FBXO32: variants seen among roughly 807,000 people sequenced by gnomAD.
FBXO32 encodes F-box protein 32, also known as F-box only protein 32.
In FBXO32, 15 loss-of-function variants were observed where a neutral mutation model predicts 48.3. The observed-to-expected ratio is 0.31, with a 90% CI of 0.21 to 0.48. The LOEUF (loss-of-function observed/expected upper bound fraction) is 0.48, where lower values mean the gene tolerates loss of function less well. Ranked by LOEUF, FBXO32 falls within the 20% of genes least tolerant of loss-of-function variation. FBXO32 has a pLI of 0.99. For missense variants in FBXO32, 309 were observed against 432.7 expected, an observed-to-expected ratio of 0.71 and a Z score of 2.54; for synonymous variants, 154 against 165.9, an observed-to-expected ratio of 0.93 and a Z score of 0.55.
At chr8:123,537,045 C>A (rs546558958) in intron 1 of FBXO32, among the ~76,000 whole-genome samples, 57 of 152,126 alleles carry the variant, frequency 3.7e-4, no homozygotes, top group Non-Finnish European at 6.8e-4. Context: ...GAGGAAGGGC[C>A]TGGAAAGAAG....
Position 123,499,657 on chromosome 8 carries a change from A to T in FBXO32, c.*3716T>A, listed in dbSNP as rs1442263607. ...ATATTTTATAATAAACATTGTATTGAATGCTAAGAATGATACACTGTTGAA... is the reference window on the plus strand; with the variant it reads ...ATATTTTATAATAAACATTGTATTGTATGCTAAGAATGATACACTGTTGAA... On this transcript the variant is annotated 3_prime_UTR_variant, in exon 9 of 9. Coordinates refer to ENST00000517956, the MANE Select transcript of FBXO32 (RefSeq NM_058229.4). 1 of 152,214 alleles carries T rather than the reference A, an allele frequency of 6.6e-6. No homozygotes were observed. The highest frequency in any genetic ancestry group is 1.5e-5 in the Non-Finnish European group (1 of 68,042). 9.4% of individuals were successfully genotyped at this position (152,214 alleles called of 1,614,324 possible). A position where few individuals can be genotyped will look rare whatever the true frequency, so the allele number is the denominator to read the frequency against.
chr8:123,535,918 CTTTTT>C (rs1273534342), intron 1 of FBXO32, among the ~76,000 whole-genome samples: 3 of 149,222 alleles, frequency 2.0e-5, no homozygotes, highest in African/African-American at 7.4e-5. Flanking sequence ...TGATTTACAT[CTTTTT>C]CAGATATACA....
At chr8:123,532,231 A>G (rs932382637) in intron 3 of FBXO32, 94 of 1,281,500 alleles carry the variant, frequency 7.3e-5, no homozygotes, top group Non-Finnish European at 9.0e-5. Context: ...CCTTTTCGTG[A>G]CTTGTACCAT....
chr8:123,516,836 A>G (rs964564816), intron 4 of FBXO32, among the ~76,000 whole-genome samples: 3 of 152,114 alleles, frequency 2.0e-5, no homozygotes, highest in African/African-American at 4.8e-5. Context: ...GTTGGAAGTC[A>G]GGAGCTCACC....
rs533882936 is a variant in FBXO32 at position 123,538,586 on chromosome 8, T to C, written c.116+2313A>G. On this transcript the variant is annotated intron_variant, in intron 1 of 8. Coordinates refer to ENST00000517956, the MANE Select transcript of FBXO32 (RefSeq NM_058229.4). ...CAGACCACAGAAGGCCAACTGCTTTTAAGAAGTTGCAGGCTTCTCATGCTA... is the reference window on the plus strand; with the variant it reads ...CAGACCACAGAAGGCCAACTGCTTTCAAGAAGTTGCAGGCTTCTCATGCTA... Among the ~76,000 whole-genome samples, 23 of 152,274 alleles carry C rather than the reference T, an allele frequency of 1.5e-4. No individual in the cohort carries two copies. The South Asian group carries it at 4.2e-3, about 28-fold the overall frequency.
intron 4 of FBXO32, among the ~76,000 whole-genome samples, chr8:123,527,621 T>C (rs1165657822): frequency 2.0e-5 from 3 of 152,218 alleles, no homozygotes; most frequent in African/African-American, 7.2e-5. Flanking sequence ...ATCTGGCCCA[T>C]GAATTCAGTC....
intron 4 of FBXO32, among the ~76,000 whole-genome samples, chr8:123,520,382 G>C (rs912734776): frequency 6.6e-6 from 1 of 152,102 alleles, no homozygotes; most frequent in Non-Finnish European, 1.5e-5. Context: ...TGTCATTATC[G>C]TGTGGGCACT....
chr8:123,538,424 A>G (rs1330421205), intron 1 of FBXO32, among the ~76,000 whole-genome samples: 2 of 152,162 alleles, frequency 1.3e-5, no homozygotes, highest in African/African-American at 4.8e-5. Context: ...TCCCCGCTTA[A>G]GGGCCTGCCT....
intron 4 of FBXO32, among the ~76,000 whole-genome samples, chr8:123,523,598 C>T: frequency 7.6e-6 from 1 of 132,206 alleles, no homozygotes; most frequent in Non-Finnish European, 1.6e-5. Flanking sequence ...CAAAACAAAA[C>T]AAACAACAAC....
chr8:123,511,494 T>C (rs77935467), intron 6 of FBXO32, among the ~76,000 whole-genome samples: 2 of 151,584 alleles, frequency 1.3e-5, no homozygotes, highest in East Asian at 1.9e-4. Flanking sequence ...TTTTTTTTTT[T>C]CCTTGAGATG....
rs186040003 is a variant in FBXO32, at chr8:123,503,262, C to G, written c.*111G>C. ...TCTCCATGACTTATCTCTGAAGTTT[C>G]GAGCCAATGTTTAAAATGTACACTA... On this transcript the variant is annotated 3_prime_UTR_variant, in exon 9 of 9. Coordinates refer to ENST00000517956, the MANE Select transcript of FBXO32 (RefSeq NM_058229.4). 1.2e-6 allele frequency: 1 copy of G among 824,218 alleles called. No homozygotes were observed. The highest frequency in any genetic ancestry group is 1.9e-6 in the Non-Finnish European group (1 of 521,892). The allele number at this position is 824,218 out of a possible 1,614,324, so 51.1% of individuals were successfully genotyped here.
intron 2 of FBXO32, 152 bp from the exon 3 acceptor site, chr8:123,533,392 T>C (rs962224593): frequency 3.1e-6 from 2 of 654,628 alleles, no homozygotes; most frequent in African/African-American, 3.7e-5. Context: ...GCTTAATTTC[T>C]GCAGTGTAGA....
intron 7 of FBXO32, among the ~76,000 whole-genome samples, chr8:123,505,307 C>T (rs1180529557): frequency 1.3e-5 from 2 of 152,188 alleles, no homozygotes; most frequent in African/African-American, 4.8e-5. Flanking sequence ...GTTTCCTCAC[C>T]CAAAGAGCTA....
rs887437256 is a variant in FBXO32 at position 123,501,755 on chromosome 8, C to G, written c.*1618G>C. ...ACCCAAAGCTCAGCTCTTAAAGATACACTGTTCCTCAACTTGAATGTGGAC... is the reference window on the plus strand; with the variant it reads ...ACCCAAAGCTCAGCTCTTAAAGATAGACTGTTCCTCAACTTGAATGTGGAC... On this transcript the variant is annotated 3_prime_UTR_variant, in exon 9 of 9. Transcript: ENST00000517956. 3 of 152,090 alleles carry G rather than the reference C, an allele frequency of 2.0e-5. No homozygotes were observed. 9.4% of individuals were successfully genotyped at this position (152,090 alleles called of 1,614,324 possible).
chr8:123,536,844 T>G (rs1165545529), intron 1 of FBXO32, among the ~76,000 whole-genome samples: 2 of 152,234 alleles, frequency 1.3e-5, no homozygotes, highest in East Asian at 3.8e-4. Context: ...GAAAACGTTC[T>G]TTAAAGGAAT....
chr8:123,539,058 C>T (rs755155331), intron 1 of FBXO32, among the ~76,000 whole-genome samples: 3 of 152,074 alleles, frequency 2.0e-5, no homozygotes, highest in Admixed American at 6.6e-5. Context: ...CAGGCTGGAG[C>T]GCAGTGGCAC....
rs138504281 is a variant in FBXO32, at chr8:123,522,205, C to CT, written c.373-7873dup. Among the ~76,000 whole-genome samples the CT allele has an allele frequency of 9.8e-3, 1,128 of 115,256 alleles. 10 individuals carry two copies. The highest frequency in any genetic ancestry group is 0.018 in the African/African-American group (540 of 30,360). The allele number at this position is 115,256 out of a possible 152,430, so 75.6% of individuals were successfully genotyped here. A position where few individuals can be genotyped will look rare whatever the true frequency, so the allele number is the denominator to read the frequency against. ...CTTCATCTTTTACCCATCCTGGTTA[C>CT]TTTTTTTTTTTTTTTTTTTTTTGAG... On this transcript the variant is annotated intron_variant, in intron 4 of 8. Coordinates refer to ENST00000517956, the MANE Select transcript of FBXO32 (RefSeq NM_058229.4).
chr8:123,536,423 C>A (rs2130562005), intron 1 of FBXO32, among the ~76,000 whole-genome samples: 1 of 152,242 alleles, frequency 6.6e-6, no homozygotes, highest in Non-Finnish European at 1.5e-5. Flanking sequence ...CACTGACCAG[C>A]TGATTATCTG....
intron 1 of FBXO32, among the ~76,000 whole-genome samples, chr8:123,535,106 C>T (rs1817284911): frequency 6.6e-6 from 1 of 152,132 alleles, no homozygotes; most frequent in Non-Finnish European, 1.5e-5. Context: ...CTGTACTCTT[C>T]AACTAAGAGC....
Sources: allele counts gnomAD v4.1 joint callset (sites outside exome capture counted in the v4.1 genomes callset), GRCh38; gene constraint gnomAD v4.1.1; transcripts MANE v1.5; gene names NCBI Gene and HGNC (gene_info 2026-07-23, HGNC 2026-07-21).